Variants in EPHA6 observed in about 807,000 individuals in gnomAD.
The protein encoded by EPHA6 is ephrin type-A receptor 6.
In EPHA6, 50 loss-of-function variants were observed where a neutral mutation model predicts 112.0. That is an observed-to-expected ratio of 0.45 (90% CI 0.36 to 0.56). The LOEUF (loss-of-function observed/expected upper bound fraction) is 0.56. Ranked by LOEUF, EPHA6 falls within the 20% of genes least tolerant of loss-of-function variation. The pLI, the probability that EPHA6 is intolerant of heterozygous loss-of-function variation, is 0.00. For missense variants in EPHA6, 1,280 were observed against 1,417.4 expected (o/e 0.90, Z 1.56); for synonymous variants, 529 against 490.7 (o/e 1.08, Z -1.03).
chr3:96,855,777 T>A (rs569723600), intron 1 of EPHA6, among the ~76,000 whole-genome samples: 1 of 151,752 alleles, frequency 6.6e-6, no homozygotes, highest in South Asian at 2.1e-4. Flanking sequence ...ATATGAAATA[T>A]GAGCAACTGA....
chr3:97,466,047 C>A (rs1187239324), intron 7 of EPHA6, among the ~76,000 whole-genome samples: 1 of 151,636 alleles, frequency 6.6e-6, no homozygotes, highest in Non-Finnish European at 1.5e-5. Context: ...ATAGGACAGA[C>A]AGGACTGATT....
At chr3:97,396,990 C>T (rs147470476) in intron 5 of EPHA6, among the ~76,000 whole-genome samples, 650 of 151,624 alleles carry the variant, frequency 4.3e-3, no homozygotes, top group Non-Finnish European at 4.6e-3. Context: ...CTATTGGAAA[C>T]GTAGTCATCA....
intron 15 of EPHA6, among the ~76,000 whole-genome samples, chr3:97,724,567 A>G (rs902962451): frequency 2.0e-5 from 3 of 152,048 alleles, no homozygotes; most frequent in Non-Finnish European, 4.4e-5. Context: ...GGAGTTCCAG[A>G]CCAATGTGGG....
chr3:97,693,517 C>T lies in EPHA6; in HGVS notation c.2785-26744C>T, dbSNP rs183108678. Among the ~76,000 whole-genome samples the T allele has an allele frequency of 3.7e-3, 570 of 152,206 alleles. 2 individuals are homozygous for T. Among genetic ancestry groups the T allele is most frequent in the Middle Eastern group, 0.014 (4 of 294 alleles). On this transcript the variant is annotated intron_variant, in intron 14 of 17. Coordinates refer to ENST00000389672, the MANE Select transcript of EPHA6 (RefSeq NM_001080448.3). ...ATATGAACCTTGTATGTTTCACTAT[C>T]GAATTGGGATTTTGTGTGGAAGAAG... is the stretch of plus-strand genomic sequence containing the variant.
At chr3:97,273,769 G>A (rs2079970973) in intron 5 of EPHA6, among the ~76,000 whole-genome samples, 1 of 152,176 alleles carries the variant, frequency 6.6e-6, no homozygotes, top group African/African-American at 2.4e-5. Context: ...ACTGTATAGA[G>A]GTGGGAAGGC....
intron 6 of EPHA6, among the ~76,000 whole-genome samples, chr3:97,421,822 A>C (rs2088664540): frequency 6.6e-6 from 1 of 152,122 alleles, no homozygotes; most frequent in Non-Finnish European, 1.5e-5. Flanking sequence ...ACATGTGTGG[A>C]CCTTGAACCT....
intron 10 of EPHA6, among the ~76,000 whole-genome samples, chr3:97,490,195 G>A (rs1389413440): frequency 6.6e-6 from 1 of 152,006 alleles, no homozygotes. Flanking sequence ...TTATCTGGTT[G>A]CCAACAAAAA....
intron 5 of EPHA6, among the ~76,000 whole-genome samples, chr3:97,317,185 G>A (rs2081884162): frequency 6.6e-6 from 1 of 151,546 alleles, no homozygotes; most frequent in Non-Finnish European, 1.5e-5. Context: ...GTCACTGTCA[G>A]CCCTGTTATG....
At chr3:97,218,829 GCAAGTCCCTT>G (rs2078109003) in intron 3 of EPHA6, among the ~76,000 whole-genome samples, 1 of 152,114 alleles carries the variant, frequency 6.6e-6, no homozygotes, top group African/African-American at 2.4e-5. Flanking sequence ...CTGAGAAAAG[GCAAGTCCCTT>G]CAACCTATGC....
intron 10 of EPHA6, among the ~76,000 whole-genome samples, chr3:97,496,410 T>C (rs1339593362): frequency 6.6e-6 from 1 of 152,172 alleles, no homozygotes; most frequent in Admixed American, 6.6e-5. Context: ...GGATCACATA[T>C]GTCTATTTTA....
intron 1 of EPHA6, among the ~76,000 whole-genome samples, chr3:96,834,812 C>T (rs996705155): frequency 1.8e-4 from 28 of 151,732 alleles, no homozygotes; most frequent in Middle Eastern, 3.2e-3. Flanking sequence ...TGGAAAATGG[C>T]GTAATATCTA....
chr3:96,833,924 A>C (rs1236775626), intron 1 of EPHA6, among the ~76,000 whole-genome samples: 5 of 152,044 alleles, frequency 3.3e-5, no homozygotes, highest in African/African-American at 1.2e-4. Flanking sequence ...ACCCCTAATA[A>C]AATTAAAAAT....
At chr3:97,672,743 AC>A (rs2030974361) in intron 14 of EPHA6, among the ~76,000 whole-genome samples, 1 of 152,122 alleles carries the variant, frequency 6.6e-6, no homozygotes, top group Non-Finnish European at 1.5e-5. Context: ...TTCTTCTTAA[AC>A]GCTCTTGAGA....
intron 5 of EPHA6, among the ~76,000 whole-genome samples, chr3:97,267,241 A>AT (rs2079715930): frequency 6.6e-6 from 1 of 151,654 alleles, no homozygotes; most frequent in African/African-American, 2.4e-5. Context: ...TTCTCTTATT[A>AT]TTTTTTTCCA....
intron 3 of EPHA6, among the ~76,000 whole-genome samples, chr3:97,019,273 G>T (rs1373557643): frequency 2.0e-5 from 3 of 152,110 alleles, no homozygotes. Flanking sequence ...TTAATGCTCT[G>T]ATAATTTTTC....
At chr3:97,584,942 G>A (rs886368565) in intron 11 of EPHA6, among the ~76,000 whole-genome samples, 1 of 152,218 alleles carries the variant, frequency 6.6e-6, no homozygotes, top group African/African-American at 2.4e-5. Flanking sequence ...ATCAGTTAGT[G>A]AATGGTAGAG....
chr3:97,452,806 G>T (rs1397791752), intron 7 of EPHA6, among the ~76,000 whole-genome samples: 5 of 151,092 alleles, frequency 3.3e-5, no homozygotes, highest in African/African-American at 1.2e-4. Context: ...AGTCCTTTTT[G>T]GCTTATACAG....
chr3:97,230,362 T>C (rs2078489273), intron 4 of EPHA6, among the ~76,000 whole-genome samples: 2 of 152,182 alleles, frequency 1.3e-5, no homozygotes, highest in Admixed American at 1.3e-4. Flanking sequence ...TTGTCAGTCA[T>C]TTTTGAATCA....
chr3:97,645,298 A>C (rs1471530489), intron 14 of EPHA6, among the ~76,000 whole-genome samples: 14 of 146,708 alleles, frequency 9.5e-5, no homozygotes, highest in African/African-American at 3.3e-4. Flanking sequence ...GGATTAAGAA[A>C]ATGTGGCACA....
Sources: gnomAD v4.1 joint callset for allele counts (sites outside exome capture counted in the v4.1 genomes callset) on GRCh38, gnomAD v4.1.1 for gene constraint, MANE v1.5 for transcripts, NCBI Gene and HGNC (gene_info 2026-07-23, HGNC 2026-07-21) for gene names.